The following SLC5A11 variants were observed in gnomAD, a reference collection of about 807,000 sequenced individuals.
The protein encoded by SLC5A11 is solute carrier family 5 member 11.
A neutral mutation model predicts 69.8 loss-of-function variants in SLC5A11; 48 were observed. The ratio of observed to expected loss-of-function variants is 0.69; its 90% CI spans 0.55 to 0.87. SLC5A11 has a LOEUF of 0.87. Ranked by LOEUF, SLC5A11 falls within the 40% of genes least tolerant of loss-of-function variation. The pLI is 0.00. For synonymous variants in SLC5A11, 319 were observed against 342.4 expected, an observed-to-expected ratio of 0.93 and a Z score of 0.75; for missense variants, 784 against 866.1, an observed-to-expected ratio of 0.91 and a Z score of 1.19.
At chr16:24,903,188 GT>G (rs796872831) in intron 10 of SLC5A11, among the ~76,000 whole-genome samples, 516 of 141,214 alleles carry the variant, frequency 3.7e-3, no homozygotes, top group African/African-American at 4.9e-3. Context: ...AGGGACATCT[GT>G]TTTTTTTTTT....
intron 9 of SLC5A11, among the ~76,000 whole-genome samples, chr16:24,896,362 G>C (rs2049165943): frequency 6.6e-6 from 1 of 151,920 alleles, no homozygotes; most frequent in Non-Finnish European, 1.5e-5. Flanking sequence ...TGACATGGTT[G>C]TTCATGCCTG....
chr16:24,892,318 T>G (rs1405268493), intron 9 of SLC5A11, among the ~76,000 whole-genome samples: 3 of 151,852 alleles, frequency 2.0e-5, no homozygotes, highest in Middle Eastern at 3.4e-3. Flanking sequence ...GAGCTTCCTG[T>G]GATTTTTGGA....
intron 1 of SLC5A11, among the ~76,000 whole-genome samples, chr16:24,847,279 C>T: frequency 6.8e-6 from 1 of 147,536 alleles, no homozygotes; most frequent in African/African-American, 2.5e-5. Context: ...CTCTCTGTTT[C>T]TCTTTCTTTT....
chr16:24,868,222 G>C (rs1567598949), intron 3 of SLC5A11, among the ~76,000 whole-genome samples: 2 of 150,540 alleles, frequency 1.3e-5, no homozygotes, highest in Admixed American at 1.3e-4. Context: ...GATCAAGATG[G>C]CTTCAACGAT....
chr16:24,890,935 GGAGT>G lies in SLC5A11; in HGVS notation c.735_738del (p.Ser245ArgfsTer20). The G allele has an allele frequency of 6.2e-7, 1 of 1,614,166 alleles. No homozygotes were observed. The highest frequency in any genetic ancestry group is 8.5e-7 in the Non-Finnish European group (1 of 1,180,036). ...TACTTCTTGGCCCTGGCTAGCAACCGGAGTGAGAACAGCAGCTGCGGGCTGCCCC... is the reference window on the plus strand; with the variant it reads ...TACTTCTTGGCCCTGGCTAGCAACCGGAGAACAGCAGCTGCGGGCTGCCCC... On this transcript the variant is annotated frameshift_variant, in exon 9 of 16. Coordinates refer to ENST00000347898, the Ensembl canonical transcript of SLC5A11. LOFTEE classifies it high-confidence loss of function.
chr16:24,890,216 A>G (rs533458821), intron 8 of SLC5A11, among the ~76,000 whole-genome samples: 4 of 152,204 alleles, frequency 2.6e-5, no homozygotes, highest in African/African-American at 7.2e-5. Flanking sequence ...GGAGAATTCA[A>G]TGGGCTTAAA....
chr16:24,861,658 GAAA>G (rs1323833968), intron 2 of SLC5A11, among the ~76,000 whole-genome samples: 1 of 132,204 alleles, frequency 7.6e-6, no homozygotes, highest in Non-Finnish European at 1.6e-5. Flanking sequence ...GAAGAAGAAA[GAAA>G]AAGAAAGAAA....
intron 10 of SLC5A11, among the ~76,000 whole-genome samples, chr16:24,906,416 C>T (rs1470925059): frequency 6.6e-6 from 1 of 151,570 alleles, no homozygotes; most frequent in African/African-American, 2.4e-5. Flanking sequence ...GTTACGATAA[C>T]AATAGCTGAA....
At chr16:24,857,152 C>A (rs1256916847) in intron 1 of SLC5A11, among the ~76,000 whole-genome samples, 1 of 152,190 alleles carries the variant, frequency 6.6e-6, no homozygotes, top group Non-Finnish European at 1.5e-5. Context: ...GAATTCTTAA[C>A]ATCTCTCCCC....
intron 1 of SLC5A11, among the ~76,000 whole-genome samples, chr16:24,848,788 A>C (rs1284558144): frequency 1.3e-5 from 2 of 152,146 alleles, no homozygotes; most frequent in Non-Finnish European, 2.9e-5. Context: ...TCTAAAAATT[A>C]AGTAAATTAA....
intron 14 of SLC5A11, 90 bp downstream of exon 15, chr16:24,909,186 A>G (rs2050310084): frequency 7.2e-7 from 1 of 1,380,200 alleles, no homozygotes; most frequent in South Asian, 1.3e-5. Flanking sequence ...AAGGAGACTG[A>G]TTGTCCAAAA....
At chr16:24,856,215 C>T (rs542118103) in intron 1 of SLC5A11, among the ~76,000 whole-genome samples, 6 of 152,268 alleles carry the variant, frequency 3.9e-5, no homozygotes, top group East Asian at 1.9e-4. Context: ...GTATTGCCCA[C>T]GCAATAAAGA....
chr16:24,861,202 G>A (rs1332754216), intron 2 of SLC5A11, among the ~76,000 whole-genome samples: 1 of 151,896 alleles, frequency 6.6e-6, no homozygotes, highest in East Asian at 1.9e-4. Flanking sequence ...TGAGATAAAA[G>A]GTCAGGCACA....
chr16:24,860,730 C>T (rs576089303), intron 2 of SLC5A11, among the ~76,000 whole-genome samples: 84 of 151,402 alleles, frequency 5.5e-4, no homozygotes, highest in African/African-American at 1.8e-3. Context: ...TGTTTTGAGA[C>T]GGAGTCTTGC....
chr16:24,875,565 TG>T (rs60449337), intron 5 of SLC5A11, 61 bp from the exon 7 acceptor site: 446,144 of 1,339,144 alleles, frequency 0.33, 76,220 homozygotes, highest in Admixed American at 0.4. Context: ...AGGGCTTGTG[TG>T]GGGGGGTCAC....
At chr16:24,903,947 T>C (rs934710339) in intron 10 of SLC5A11, among the ~76,000 whole-genome samples, 3 of 152,182 alleles carry the variant, frequency 2.0e-5, no homozygotes, top group Admixed American at 2.0e-4. Flanking sequence ...GTTTAATTGA[T>C]TCACAGTTCC....
chr16:24,901,054 G>A (rs1402859502), intron 10 of SLC5A11, among the ~76,000 whole-genome samples: 1 of 152,078 alleles, frequency 6.6e-6, no homozygotes, highest in African/African-American at 2.4e-5. Context: ...GATCTGGAAG[G>A]CCCAGGCCTG....
chr16:24,855,377 G>T (rs1445333225), intron 1 of SLC5A11, among the ~76,000 whole-genome samples: 1 of 146,822 alleles, frequency 6.8e-6, no homozygotes, highest in Non-Finnish European at 1.5e-5. Flanking sequence ...GGAGTTGGAG[G>T]AATTGCTTGA....
chr16:24,898,031 C>G, exon 10 of SLC5A11: 1 of 1,614,186 alleles, frequency 6.2e-7, no homozygotes, highest in Non-Finnish European at 8.5e-7. Flanking sequence ...AGGAGGTGCT[C>G]TGATGGCTGC....
Sources: allele counts gnomAD v4.1 joint callset (sites outside exome capture counted in the v4.1 genomes callset), GRCh38; gene constraint gnomAD v4.1.1; transcripts MANE v1.5; gene names NCBI Gene and HGNC (gene_info 2026-07-23, HGNC 2026-07-21).